Variants in UFL1 observed in about 807,000 individuals in gnomAD.
UFL1 encodes the protein E3 UFM1-protein ligase 1.
A neutral mutation model predicts 99.3 loss-of-function variants in UFL1; 78 were observed. The observed-to-expected ratio is 0.79, with a 90% confidence interval of 0.65 to 0.95. The LOEUF (loss-of-function observed/expected upper bound fraction) is 0.95, where lower values mean the gene tolerates loss of function less well. Among genes scored for constraint, UFL1 ranks in the 40% least tolerant of loss-of-function variants. The probability of loss-of-function intolerance (pLI) is 0.00; values close to 1 mark genes in which losing one functional copy is unlikely to be tolerated. For missense variants in UFL1, 936 were observed against 937.0 expected (o/e 1.00, Z 0.01); for synonymous variants, 335 against 322.2 (o/e 1.04, Z -0.42).
rs1769868154 is a variant in UFL1, at chr6:96,537,386, T to C, written c.815T>C (p.Leu272Ser). ...RQNGYLEFDA[L>S]SRLGIPDAVS... Reference sequence around the variant, plus strand: ...GATATATTTGTAGAATTTGATGCTTTGTCCAGACTTGGAATCCCAGATGCT... The same window carrying C: ...GATATATTTGTAGAATTTGATGCTTCGTCCAGACTTGGAATCCCAGATGCT... Residue 272 changes from leucine to serine, a missense_variant, in exon 9 of 19, where the codon TTG (leucine) becomes TCG (serine). By Grantham distance (145) the Leu-to-Ser change is moderately radical. Transcript: ENST00000369278. 2 of 1,568,660 alleles carry C rather than the reference T, an allele frequency of 1.3e-6. No homozygotes were observed. The highest frequency in any genetic ancestry group is 2.8e-5 in the African/African-American group (2 of 71,552).
At chr6:96,532,090 A>G (rs902626207) in intron 6 of UFL1, among the ~76,000 whole-genome samples, 4 of 152,242 alleles carry the variant, frequency 2.6e-5, no homozygotes, top group Admixed American at 6.5e-5. Context: ...AGTGAGAAGA[A>G]TGATGTATGT....
At chr6:96,524,551 CTGA>C in intron 3 of UFL1, 141 bp downstream of exon 3, 2 of 543,052 alleles carry the variant, frequency 3.7e-6, no homozygotes, top group African/African-American at 2.0e-5. Context: ...CGCTGATACA[CTGA>C]ATTGATTTAA....
chr6:96,522,959 A>C (rs1451254542), intron 1 of UFL1, 187 bp from the exon 2 acceptor site: 1 of 488,060 alleles, frequency 2.0e-6, no homozygotes, highest in Admixed American at 4.2e-5. Context: ...AGCATATGTA[A>C]ACCTACTTAC....
intron 6 of UFL1, among the ~76,000 whole-genome samples, chr6:96,529,382 C>T (rs1208091306): frequency 6.6e-6 from 1 of 152,116 alleles, no homozygotes; most frequent in African/African-American, 2.4e-5. Flanking sequence ...TTAAAGTGAA[C>T]CTTCTCAACA....
chr6:96,544,777 G>A (rs796260067), intron 12 of UFL1, among the ~76,000 whole-genome samples: 36 of 151,098 alleles, frequency 2.4e-4, no homozygotes, highest in African/African-American at 8.7e-4. Context: ...GGGTGAAGAG[G>A]CATTACAAGA....
In UFL1 at chr6:96,553,666, T is replaced by A; in HGVS notation, c.*163T>A. 2.1e-6 allele frequency: 1 copy of A among 477,154 alleles called. No homozygotes were observed. The highest frequency in any genetic ancestry group is 3.5e-6 in the Non-Finnish European group (1 of 283,908). 29.6% of individuals were successfully genotyped at this position (477,154 alleles called of 1,614,324 possible). On this transcript the variant is annotated 3_prime_UTR_variant, in exon 19 of 19. Transcript: ENST00000369278. ...GTAGTATTGTATTAAATGTAAATCT[T>A]AAAAAGATGTGAATTTTTGTAAATT...
chr6:96,552,933 T>G lies in UFL1; in HGVS notation c.2166+271T>G, dbSNP rs546683129. Among the ~76,000 whole-genome samples, 4 of 152,266 alleles carry G rather than the reference T, an allele frequency of 2.6e-5. No homozygotes were observed. The East Asian group carries it at 7.7e-4, about 29-fold the overall frequency. On this transcript the variant is annotated intron_variant, in intron 18 of 18. Coordinates refer to ENST00000369278, the MANE Select transcript of UFL1 (RefSeq NM_015323.5). ...CCATTTCAGCTTCTTTAGGTTTAACTTATCCATCAAGGACCCATTCAAAAG... is the reference window on the plus strand; with the variant it reads ...CCATTTCAGCTTCTTTAGGTTTAACGTATCCATCAAGGACCCATTCAAAAG...
chr6:96,523,887 T>G (rs1451062305), intron 2 of UFL1, among the ~76,000 whole-genome samples: 2 of 152,162 alleles, frequency 1.3e-5, no homozygotes, highest in African/African-American at 2.4e-5. Context: ...ATTATCAGAG[T>G]GTAACATTGG....
chr6:96,545,769 G>A (rs1252815624), intron 12 of UFL1, among the ~76,000 whole-genome samples: 1 of 150,988 alleles, frequency 6.6e-6, no homozygotes, highest in Non-Finnish European at 1.5e-5. Context: ...TTGACTTATA[G>A]AAAATAATCA....
At chr6:96,527,499 T>C (rs1374509848) in intron 5 of UFL1, among the ~76,000 whole-genome samples, 2 of 146,936 alleles carry the variant, frequency 1.4e-5, no homozygotes, top group Non-Finnish European at 3.1e-5. Context: ...GAGATTAATG[T>C]ATAATACAAG....
intron 2 of UFL1, among the ~76,000 whole-genome samples, 199 bp from the exon 3 acceptor site, chr6:96,524,183 A>C (rs1010206730): frequency 1.3e-5 from 2 of 151,800 alleles, no homozygotes; most frequent in Non-Finnish European, 2.9e-5. Context: ...AAAAAAAAAA[A>C]TTGAAAGTAA....
rs1285066835 is a variant in UFL1 at position 96,538,616 on chromosome 6, T to G, written c.979-15T>G. On this transcript the variant is annotated splice_polypyrimidine_tract_variant and intron_variant, in intron 9 of 18. Transcript: ENST00000369278. ...TTGCATTTATACTTTATTTTTATTT[T>G]GTTTGTAATTCTAGCCTCTGCTACC... The G allele has an allele frequency of 1.2e-6, 2 of 1,607,812 alleles. No individual in the cohort carries two copies. Among genetic ancestry groups the G allele is most frequent in the Non-Finnish European group, 1.7e-6 (2 of 1,176,338 alleles).
At chr6:96,523,002 G>C in intron 1 of UFL1, 144 bp from the exon 2 acceptor site, 1 of 678,200 alleles carries the variant, frequency 1.5e-6, no homozygotes, top group Non-Finnish European at 2.2e-6. Context: ...TATTGAATCA[G>C]TTAGTGAAAA....
Position 96,537,380 on chromosome 6 carries a change from A to C in UFL1, c.809A>C (p.Asp270Ala), listed in dbSNP as rs771697703. The change falls in exon 9 of 19, where the codon GAT becomes GCT. Residue 270 changes from aspartate (D) to alanine (A), a missense_variant. Physicochemically the swap from Asp to Ala is moderately radical, Grantham distance 126. Coordinates refer to ENST00000369278, the MANE Select transcript of UFL1 (RefSeq NM_015323.5). ...FFRQNGYLEF[D>A]ALSRLGIPDA... ...CTTTGTGATATATTTGTAGAATTTGATGCTTTGTCCAGACTTGGAATCCCA... is the reference window on the plus strand; with the variant it reads ...CTTTGTGATATATTTGTAGAATTTGCTGCTTTGTCCAGACTTGGAATCCCA... The C allele has an allele frequency of 1.9e-6, 3 of 1,556,058 alleles. No individual in the cohort carries two copies. Among genetic ancestry groups the C allele is most frequent in the Non-Finnish European group, 2.6e-6 (3 of 1,158,456 alleles).
chr6:96,549,738 T>C lies in UFL1; in HGVS notation c.1757T>C (p.Phe586Ser). Residue 586 changes from phenylalanine (F) to serine (S), a missense_variant, in exon 15 of 19, where the codon TTC becomes TCC. Phe to Ser is a radical substitution (Grantham distance 155). Coordinates refer to ENST00000369278, the MANE Select transcript of UFL1 (RefSeq NM_015323.5). ...SVCTDITNLIFNFLASDLMMA... is the reference protein window; with the variant it reads ...SVCTDITNLISNFLASDLMMA... ...TGTACTGATATCACTAACCTCATTT[T>C]CAACTTCTTAGCTTCGGATTTAATG... The C allele has an allele frequency of 6.2e-7, 1 of 1,612,414 alleles. No homozygotes were observed. Among genetic ancestry groups the C allele is most frequent in the Non-Finnish European group, 8.5e-7 (1 of 1,178,848 alleles).
chr6:96,552,280 T>C (rs1770091646), intron 17 of UFL1, among the ~76,000 whole-genome samples: 1 of 152,074 alleles, frequency 6.6e-6, no homozygotes, highest in Non-Finnish European at 1.5e-5. Flanking sequence ...CTCTATAGCT[T>C]TTTCTTTAAT....
chr6:96,533,931 T>A (rs1003495138), intron 6 of UFL1, among the ~76,000 whole-genome samples: 1 of 151,784 alleles, frequency 6.6e-6, no homozygotes, highest in African/African-American at 2.4e-5. Context: ...TGACATCCAC[T>A]TGAATATTCC....
In UFL1 at chr6:96,554,098, G is replaced by A. The variant is rs1271934724; in HGVS notation, c.*595G>A. The A allele has an allele frequency of 6.6e-6, 1 of 152,374 alleles. No homozygotes were observed. Among genetic ancestry groups the A allele is most frequent in the African/African-American group, 2.4e-5 (1 of 41,440 alleles). 9.4% of individuals were successfully genotyped at this position (152,374 alleles called of 1,614,324 possible). On this transcript the variant is annotated 3_prime_UTR_variant, in exon 19 of 19. Transcript: ENST00000369278. The stretch of plus-strand genomic sequence containing the variant: ...GGCAGAATAAACATTGATTTTGGTT[G>A]GGGCTGCAAGGATGCCTTTACAGGT...
intron 12 of UFL1, among the ~76,000 whole-genome samples, chr6:96,547,810 G>A (rs367750612): frequency 2.7e-5 from 4 of 148,218 alleles, no homozygotes; most frequent in East Asian, 2.0e-4. Flanking sequence ...AGGGAAGTTG[G>A]GGGGGGGCGG....
Sources: gnomAD v4.1 joint callset for allele counts (sites outside exome capture counted in the v4.1 genomes callset) on GRCh38, gnomAD v4.1.1 for gene constraint, MANE v1.5 for transcripts, NCBI Gene and HGNC (gene_info 2026-07-23, HGNC 2026-07-21) for gene names.